SLC25A43: variants seen among roughly 807,000 people sequenced by gnomAD.
SLC25A43 encodes solute carrier family 25 member 43.
In SLC25A43, 10 loss-of-function variants were observed where a neutral mutation model predicts 22.8. The observed-to-expected ratio is 0.44, with a 90% CI of 0.27 to 0.74. The LOEUF (loss-of-function observed/expected upper bound fraction) is 0.74, where lower values mean the gene tolerates loss of function less well. Among genes scored for constraint, SLC25A43 ranks in the 30% least tolerant of loss-of-function variants. SLC25A43 has a pLI of 0.17. For synonymous variants in SLC25A43, 106 were observed against 121.6 expected, an observed-to-expected ratio of 0.87 and a Z score of 0.84; for missense variants, 233 against 279.1, an observed-to-expected ratio of 0.83 and a Z score of 1.18.
intron 3 of SLC25A43, among the ~76,000 whole-genome samples, chrX:119,418,855 C>T (rs767264867): frequency 3.6e-5 from 4 of 112,521 alleles, no homozygotes; most frequent in Non-Finnish European, 7.5e-5. Flanking sequence ...CCCTTCTCCA[C>T]GCTTCAGTGC....
intron 3 of SLC25A43, among the ~76,000 whole-genome samples, chrX:119,426,680 G>C (rs2052508252): frequency 1.8e-5 from 2 of 110,679 alleles, no homozygotes; most frequent in African/African-American, 6.6e-5. Context: ...AAAATTAGCT[G>C]GGCATGGTGG....
intron 1 of SLC25A43, among the ~76,000 whole-genome samples, chrX:119,403,580 G>C (rs1211578476): frequency 1.8e-5 from 2 of 111,906 alleles, no homozygotes; most frequent in African/African-American, 6.5e-5. Context: ...GAGCCACCAC[G>C]CCCAGCCCCA....
chrX:119,441,392 C>T (rs1295943110), intron 3 of SLC25A43, among the ~76,000 whole-genome samples: 1 of 98,399 alleles, frequency 1.0e-5, no homozygotes, highest in East Asian at 3.3e-4. Flanking sequence ...TGAGATGAAC[C>T]CGGTACCTCA....
intron 3 of SLC25A43, among the ~76,000 whole-genome samples, chrX:119,442,642 A>G (rs1399378568): frequency 8.9e-6 from 1 of 112,176 alleles, no homozygotes; most frequent in African/African-American, 3.2e-5. Flanking sequence ...AGTCCGAACA[A>G]TGCTAAAGGA....
chrX:119,410,083 C>T, intron 2 of SLC25A43, 107 bp from the exon 3 acceptor site: 1 of 916,743 alleles, frequency 1.1e-6, no homozygotes, highest in Admixed American at 2.5e-5. Context: ...TTTAGCAACC[C>T]CAGAGCCCCT....
chrX:119,413,291 AT>A (rs2052367052), intron 3 of SLC25A43, among the ~76,000 whole-genome samples: 1 of 112,012 alleles, frequency 8.9e-6, no homozygotes, highest in East Asian at 2.8e-4. Context: ...CCCATGGATT[AT>A]AATGATTAAT....
At chrX:119,433,474 A>G in intron 3 of SLC25A43, among the ~76,000 whole-genome samples, 1 of 112,486 alleles carries the variant, frequency 8.9e-6, no homozygotes, top group Admixed American at 9.5e-5. Flanking sequence ...CCAAGTTGAC[A>G]TATGAAATTA....
At chrX:119,399,817 T>G (rs2052221262) in intron 1 of SLC25A43, 139 bp downstream of exon 1, 3 of 683,628 alleles carry the variant, frequency 4.4e-6, no homozygotes, top group Non-Finnish European at 5.8e-6. Context: ...TGGGGACCCC[T>G]CGGGGCGGTG....
At chrX:119,437,141 C>G (rs1244133170) in intron 3 of SLC25A43, among the ~76,000 whole-genome samples, 1 of 32,898 alleles carries the variant, frequency 3.0e-5, no homozygotes, top group African/African-American at 1.3e-4. Flanking sequence ...CTTTTATTTC[C>G]TTGAGCAGTG....
At chrX:119,422,672 G>A (rs985081129) in intron 3 of SLC25A43, among the ~76,000 whole-genome samples, 7 of 111,300 alleles carry the variant, frequency 6.3e-5, no homozygotes, top group Admixed American at 1.9e-4. Flanking sequence ...CCAAGATGAA[G>A]GTAAGAACAC....
intron 3 of SLC25A43, among the ~76,000 whole-genome samples, chrX:119,448,142 C>T (rs1467288691): frequency 2.7e-5 from 3 of 111,522 alleles, no homozygotes; most frequent in Non-Finnish European, 5.6e-5. Context: ...CTCACACCCT[C>T]ATCCAGTCCA....
intron 3 of SLC25A43, 31 bp downstream of exon 3, chrX:119,410,393 G>A: frequency 8.4e-7 from 1 of 1,197,478 alleles, no homozygotes; most frequent in South Asian, 1.8e-5. Flanking sequence ...GGTAGGGGGT[G>A]GAATGCTTTG....
At chrX:119,452,335 T>C (rs2052712557) in intron 4 of SLC25A43, among the ~76,000 whole-genome samples, 192 bp downstream of exon 4, 1 of 111,102 alleles carries the variant, frequency 9.0e-6, no homozygotes, top group African/African-American at 3.3e-5. Flanking sequence ...TGGAGTATCT[T>C]ATACCCCATT....
Position 119,406,475 on chromosome X carries a change from C to T in SLC25A43, c.291C>T (p.Phe97=), listed in dbSNP as rs1322804992. 1 of 1,209,628 alleles carries T rather than the reference C, an allele frequency of 8.3e-7. No individual in the cohort carries two copies. The highest frequency in any genetic ancestry group is 1.8e-5 in the African/African-American group (1 of 57,112). ...LAAYRKFVVL[F]TDDLGHISQW... The stretch of plus-strand genomic sequence containing the variant: ...TTTCTCCCAGATTTGTTGTGCTGTT[C>T]ACAGATGACCTGGGCCACATTTCCC... The change falls in exon 2 of 5, where the codon TTC becomes TTT. Residue 97 remains phenylalanine, a synonymous_variant. Transcript: ENST00000217909.
intron 2 of SLC25A43, among the ~76,000 whole-genome samples, chrX:119,407,997 C>A (rs1440024037): frequency 2.7e-5 from 3 of 111,058 alleles, no homozygotes; most frequent in African/African-American, 6.5e-5. Flanking sequence ...GTATCTCCTG[C>A]CCCAGTCTTC....
chrX:119,412,943 G>C (rs181931860), intron 3 of SLC25A43, among the ~76,000 whole-genome samples: 8 of 109,630 alleles, frequency 7.3e-5, no homozygotes, highest in Non-Finnish European at 1.5e-4. Flanking sequence ...AACATAGCGA[G>C]ACCTTGTCTC....
At chrX:119,411,888 A>T (rs73213184) in intron 3 of SLC25A43, among the ~76,000 whole-genome samples, 59 of 112,149 alleles carry the variant, frequency 5.3e-4, no homozygotes, top group South Asian at 1.1e-3. Context: ...AAAAATTTTT[A>T]AAAAAATTCC....
At chrX:119,417,736 A>G (rs901300875) in intron 3 of SLC25A43, among the ~76,000 whole-genome samples, 4 of 109,829 alleles carry the variant, frequency 3.6e-5, no homozygotes, top group Non-Finnish European at 7.6e-5. Context: ...GAGCATAAGA[A>G]GAAGTTTCAA....
rs188140315 is a variant in SLC25A43, at chrX:119,404,706, C to T, written c.276-1754C>T. The stretch of plus-strand genomic sequence containing the variant: ...CAGACTTTTCTTGGCCTCTATGCAG[C>T]GTTCCTTTCTCTAGGGCAGAGGTGT... On this transcript the variant is annotated intron_variant, in intron 1 of 4. Coordinates refer to ENST00000217909, the MANE Select transcript of SLC25A43 (RefSeq NM_145305.3). Among the ~76,000 whole-genome samples the T allele has an allele frequency of 4.5e-4, 50 of 111,784 alleles. 1 individual carries two copies. The highest frequency in any genetic ancestry group is 1.6e-3 in the African/African-American group (48 of 30,791).
Sources: allele counts gnomAD v4.1 joint callset (sites outside exome capture counted in the v4.1 genomes callset), GRCh38; gene constraint gnomAD v4.1.1; transcripts MANE v1.5; gene names NCBI Gene and HGNC (gene_info 2026-07-23, HGNC 2026-07-21).